The following WDR17 variants were observed in gnomAD, a reference collection of about 807,000 sequenced individuals.
WDR17 encodes the protein WD repeat domain 17, also known as WD repeat-containing protein 17.
In WDR17, 143 loss-of-function variants were observed where a neutral mutation model predicts 161.7. That is an observed-to-expected ratio of 0.88 (90% CI 0.77 to 1.02). The LOEUF is 1.02. WDR17 is among the 50% of genes least tolerant of loss of function. The pLI, the probability that WDR17 is intolerant of heterozygous loss-of-function variation, is 0.00. For synonymous variants in WDR17, 517 were observed against 515.6 expected (o/e 1.00, Z -0.04); for missense variants, 1,469 against 1,520.9 (o/e 0.97, Z 0.57).
chr4:176,097,634 G>T (rs1007401447), intron 1 of WDR17, among the ~76,000 whole-genome samples: 3 of 151,468 alleles, frequency 2.0e-5, no homozygotes, highest in Non-Finnish European at 4.4e-5. Context: ...TTAATGAGCA[G>T]TTTTCCATCC....
intron 1 of WDR17, among the ~76,000 whole-genome samples, chr4:176,076,238 TATATA>T (rs1733983291): frequency 2.6e-5 from 1 of 38,238 alleles, no homozygotes; most frequent in Non-Finnish European, 8.0e-5. Flanking sequence ...TATATATATA[TATATA>T]TATATATATA....
chr4:176,084,829 G>A (rs1735227327), intron 1 of WDR17, among the ~76,000 whole-genome samples: 1 of 147,442 alleles, frequency 6.8e-6, no homozygotes, highest in South Asian at 2.1e-4. Flanking sequence ...TTCCATAAGG[G>A]CATTCAATTA....
intron 11 of WDR17, among the ~76,000 whole-genome samples, chr4:176,143,064 A>T (rs531037188): frequency 3.0e-4 from 45 of 152,252 alleles, no homozygotes; most frequent in Middle Eastern, 3.4e-3. Flanking sequence ...TTTTTAGTAG[A>T]GACGGGGTTT....
intron 1 of WDR17, among the ~76,000 whole-genome samples, chr4:176,108,440 G>A (rs1739164748): frequency 6.6e-6 from 1 of 152,074 alleles, no homozygotes. Context: ...AATAGGCAGA[G>A]CACAAAGGAC....
intron 20 of WDR17, among the ~76,000 whole-genome samples, chr4:176,161,465 A>G (rs1749022629): frequency 6.6e-6 from 1 of 152,166 alleles, no homozygotes; most frequent in Non-Finnish European, 1.5e-5. Context: ...TTATTTTAAA[A>G]AAGAAATGGA....
rs1488025275 is a variant in WDR17, at chr4:176,177,636, T to G, written c.3714T>G (p.Leu1238=). 2 of 1,586,944 alleles carry G rather than the reference T, an allele frequency of 1.3e-6. No individual in the cohort carries two copies. Among genetic ancestry groups the G allele is most frequent in the Non-Finnish European group, 1.7e-6 (2 of 1,172,502 alleles). ...ATTCTGATATTCACATTTCTTGTCT[T>G]ACGGGATTAAAAATCCAGGTAAAGC... ...PSHSDIHISC[L]TGLKIQGPVF... is the part of the protein sequence containing the mutation. The change falls in exon 28 of 29, where the codon CTT becomes CTG. Residue 1238 remains leucine (L), a synonymous_variant. Coordinates refer to ENST00000508596, the MANE Select transcript of WDR17 (RefSeq NM_181265.4).
intron 4 of WDR17, among the ~76,000 whole-genome samples, chr4:176,120,685 G>A (rs1195846515): frequency 1.3e-5 from 2 of 151,522 alleles, no homozygotes; most frequent in Non-Finnish European, 2.9e-5. Flanking sequence ...TGAATTGCTT[G>A]CTTTCCCCTC....
chr4:176,073,567 G>A (rs1174444123), intron 1 of WDR17, among the ~76,000 whole-genome samples: 4 of 151,484 alleles, frequency 2.6e-5, no homozygotes, highest in African/African-American at 7.3e-5. Context: ...ATAAACATAC[G>A]TGTGCATGTG....
intron 22 of WDR17, among the ~76,000 whole-genome samples, chr4:176,166,925 T>C (rs1285607982): frequency 1.3e-5 from 2 of 152,166 alleles, no homozygotes; most frequent in African/African-American, 4.8e-5. Context: ...CTTTTGACAT[T>C]ATCTAGAAAA....
intron 1 of WDR17, among the ~76,000 whole-genome samples, chr4:176,083,418 A>G (rs926955154): frequency 2.0e-5 from 3 of 152,282 alleles, no homozygotes; most frequent in Admixed American, 6.6e-5. Context: ...CACTAGCAGA[A>G]TAGATAAATA....
chr4:176,082,646 T>A (rs1734897106), intron 1 of WDR17, among the ~76,000 whole-genome samples: 1 of 152,170 alleles, frequency 6.6e-6, no homozygotes, highest in African/African-American at 2.4e-5. Context: ...AAGGGTGAGC[T>A]GAAAATGGTA....
chr4:176,142,389 C>T (rs1745425121), intron 11 of WDR17, among the ~76,000 whole-genome samples: 1 of 152,084 alleles, frequency 6.6e-6, no homozygotes, highest in Non-Finnish European at 1.5e-5. Flanking sequence ...AGAAATGTGG[C>T]CCTTTTTTTA....
chr4:176,124,419 T>G (rs1742111838), intron 4 of WDR17, among the ~76,000 whole-genome samples: 1 of 152,218 alleles, frequency 6.6e-6, no homozygotes. Context: ...CTATTTATAC[T>G]ACTGGTTGGG....
At chr4:176,100,505 T>A (rs1370583171) in intron 1 of WDR17, among the ~76,000 whole-genome samples, 1 of 152,166 alleles carries the variant, frequency 6.6e-6, no homozygotes, top group East Asian at 1.9e-4. Context: ...GGATGAATAG[T>A]TTGCAGATAT....
intron 1 of WDR17, chr4:176,096,584 GA>G: frequency 6.3e-7 from 1 of 1,586,556 alleles, no homozygotes; most frequent in South Asian, 1.1e-5. Context: ...GGACTACAAA[GA>G]GTAAGATACA....
chr4:176,078,027 T>A (rs1734270002), intron 1 of WDR17, among the ~76,000 whole-genome samples: 1 of 152,098 alleles, frequency 6.6e-6, no homozygotes, highest in African/African-American at 2.4e-5. Context: ...ATAAATAGAA[T>A]GATACGTTGT....
intron 1 of WDR17, among the ~76,000 whole-genome samples, chr4:176,097,008 G>A (rs1435881604): frequency 2.0e-5 from 3 of 151,886 alleles, no homozygotes; most frequent in Admixed American, 1.3e-4. Context: ...AAACAATTCT[G>A]AAGAAGAGTG....
intron 1 of WDR17, among the ~76,000 whole-genome samples, chr4:176,086,423 T>C (rs143449408): frequency 2.6e-5 from 4 of 152,034 alleles, no homozygotes; most frequent in African/African-American, 7.2e-5. Flanking sequence ...TTTCCTTTAA[T>C]TGTGTCATTC....
chr4:176,137,654 C>A, intron 9 of WDR17, 43 bp downstream of exon 9: 2 of 1,177,434 alleles, frequency 1.7e-6, no homozygotes, highest in East Asian at 2.8e-5. Flanking sequence ...ATGTTTTATA[C>A]TATTTTGTAT....
Sources: gnomAD v4.1 joint callset for allele counts (sites outside exome capture counted in the v4.1 genomes callset) on GRCh38, gnomAD v4.1.1 for gene constraint, MANE v1.5 for transcripts, NCBI Gene and HGNC (gene_info 2026-07-23, HGNC 2026-07-21) for gene names.